TTLL5: variants seen among roughly 807,000 people sequenced by gnomAD.
TTLL5 encodes the protein tubulin tyrosine ligase like 5.
TTLL5 carries 132 observed loss-of-function variants against 168.4 expected under a neutral mutation model. That is an observed-to-expected ratio of 0.78 (90% CI 0.68 to 0.91). The LOEUF is 0.91. TTLL5 is among the 40% of genes least tolerant of loss of function. The pLI, the probability that TTLL5 is intolerant of heterozygous loss-of-function variation, is 0.00. For missense variants in TTLL5, 1,545 were observed against 1,581.5 expected (o/e 0.98, Z 0.39); for synonymous variants, 546 against 558.6 (o/e 0.98, Z 0.32).
chr14:75,681,753 C>A, intron 4 of TTLL5, 126 bp downstream of exon 4: 1 of 692,374 alleles, frequency 1.4e-6, no homozygotes, highest in Non-Finnish European at 2.5e-6. Flanking sequence ...AGTGGTGGTC[C>A]AGAACTCAGA....
intron 12 of TTLL5, among the ~76,000 whole-genome samples, chr14:75,730,393 C>T (rs565564568): frequency 3.4e-4 from 52 of 152,218 alleles, no homozygotes; most frequent in African/African-American, 1.1e-3. Context: ...CTTTTCTTTA[C>T]GTTTTAATGT....
chr14:75,711,110 T>C (rs1272999910), intron 9 of TTLL5: 2 of 152,110 alleles, frequency 1.3e-5, no homozygotes, highest in Non-Finnish European at 2.9e-5. Flanking sequence ...TATAGATGAG[T>C]GTTTTCAGTT....
intron 12 of TTLL5, among the ~76,000 whole-genome samples, chr14:75,723,118 G>A (rs573513682): frequency 1.1e-3 from 163 of 152,092 alleles, no homozygotes; most frequent in African/African-American, 3.7e-3. Flanking sequence ...CACCATGCAT[G>A]GCAGCACTTT....
intron 9 of TTLL5, among the ~76,000 whole-genome samples, chr14:75,712,910 G>A (rs1271408472): frequency 3.3e-5 from 5 of 152,120 alleles, no homozygotes; most frequent in Admixed American, 2.6e-4. Context: ...TTAAAAAGGG[G>A]GGAGGGGGCG....
At chr14:75,704,989 A>G (rs1217675914) in intron 7 of TTLL5, among the ~76,000 whole-genome samples, 2 of 152,202 alleles carry the variant, frequency 1.3e-5, no homozygotes, top group Non-Finnish European at 2.9e-5. Context: ...GTGAGTAGAT[A>G]TTTATTGTAG....
intron 5 of TTLL5, 199 bp from the exon 6 acceptor site, chr14:75,689,993 T>C (rs550487628): frequency 3.8e-6 from 2 of 521,694 alleles, no homozygotes; most frequent in African/African-American, 4.0e-5. Flanking sequence ...GATTTTATCT[T>C]AATGAAAAAA....
chr14:75,869,569 T>C (rs2030839278), intron 29 of TTLL5, among the ~76,000 whole-genome samples: 1 of 152,166 alleles, frequency 6.6e-6, no homozygotes. Context: ...TCAGTGGATC[T>C]TTACAGCTGC....
intron 26 of TTLL5, among the ~76,000 whole-genome samples, chr14:75,788,218 A>G (rs1892490801): frequency 1.3e-5 from 2 of 152,174 alleles, no homozygotes; most frequent in South Asian, 4.1e-4. Context: ...GGCTTTAGAC[A>G]TTATAAAAAC....
intron 28 of TTLL5, among the ~76,000 whole-genome samples, chr14:75,836,676 T>A (rs1895885470): frequency 1.3e-5 from 2 of 152,108 alleles, no homozygotes; most frequent in South Asian, 4.2e-4. Context: ...CATAAGTATA[T>A]ACACCTGCTA....
At chr14:75,663,362 C>G (rs976096483) in intron 2 of TTLL5, 139 bp downstream of exon 2, 2 of 869,646 alleles carry the variant, frequency 2.3e-6, no homozygotes, top group Non-Finnish European at 3.5e-6. Flanking sequence ...GATTATCTAA[C>G]TCTGGTTTTA....
intron 3 of TTLL5, among the ~76,000 whole-genome samples, chr14:75,672,223 A>T (rs1261822078): frequency 6.6e-6 from 1 of 151,978 alleles, no homozygotes; most frequent in African/African-American, 2.4e-5. Context: ...TCAGAGTGTA[A>T]TTGCTAGTAT....
At chr14:75,902,651 C>T (rs1425456139) in intron 31 of TTLL5, 19 of 457,284 alleles carry the variant, frequency 4.2e-5, no homozygotes, top group Non-Finnish European at 7.9e-5. Flanking sequence ...TGCGTGGATG[C>T]AGAGCTGGAG....
chr14:75,756,233 A>G (rs950937059), intron 18 of TTLL5, among the ~76,000 whole-genome samples: 2 of 152,166 alleles, frequency 1.3e-5, no homozygotes, highest in Non-Finnish European at 2.9e-5. Context: ...TTCTTTGCAT[A>G]TCATCTACAT....
At chr14:75,696,155 G>T (rs761133749) in intron 6 of TTLL5, among the ~76,000 whole-genome samples, 1 of 152,026 alleles carries the variant, frequency 6.6e-6, no homozygotes, top group Non-Finnish European at 1.5e-5. Flanking sequence ...CTCCCAAAGC[G>T]CTGGGATTAC....
intron 31 of TTLL5, among the ~76,000 whole-genome samples, chr14:75,924,825 G>A (rs554381076): frequency 1.6e-4 from 25 of 152,068 alleles, no homozygotes; most frequent in Admixed American, 5.9e-4. Flanking sequence ...GGTGGTGGCC[G>A]GGCAGAGGAG....
chr14:75,897,910 T>C (rs1045376328), intron 30 of TTLL5, among the ~76,000 whole-genome samples: 11 of 152,320 alleles, frequency 7.2e-5, no homozygotes, highest in Admixed American at 1.3e-4. Flanking sequence ...TCCTAGACAG[T>C]TGTACCATTT....
At chr14:75,762,615 A>G (rs970469265) in intron 18 of TTLL5, among the ~76,000 whole-genome samples, 10 of 152,258 alleles carry the variant, frequency 6.6e-5, no homozygotes, top group African/African-American at 1.7e-4. Flanking sequence ...TATCAGATTC[A>G]TATTTTACCC....
chr14:75,775,022 TCTAA>T (rs1252278009), intron 21 of TTLL5, among the ~76,000 whole-genome samples: 2 of 151,594 alleles, frequency 1.3e-5, no homozygotes, highest in East Asian at 3.9e-4. Flanking sequence ...TTCTGGTGTT[TCTAA>T]CTTTTTTTTT....
At chr14:75,950,979 C>A (rs1018003936) in intron 31 of TTLL5, among the ~76,000 whole-genome samples, 3 of 149,958 alleles carry the variant, frequency 2.0e-5, no homozygotes, top group African/African-American at 4.9e-5. Context: ...AAAAAAAAAA[C>A]AAATGTGTTT....
Sources: gnomAD v4.1 joint callset for allele counts (sites outside exome capture counted in the v4.1 genomes callset) on GRCh38, gnomAD v4.1.1 for gene constraint, MANE v1.5 for transcripts, NCBI Gene and HGNC (gene_info 2026-07-23, HGNC 2026-07-21) for gene names.